The following WNK1 variants were observed in gnomAD, a reference collection of about 807,000 sequenced individuals.
WNK1 encodes the protein serine/threonine-protein kinase WNK1.
In WNK1, 38 loss-of-function variants were observed where a neutral mutation model predicts 222.8. The ratio of observed to expected loss-of-function variants is 0.17; its 90% CI spans 0.13 to 0.22. The LOEUF (loss-of-function observed/expected upper bound fraction) is 0.22, where lower values mean the gene tolerates loss of function less well. WNK1 is among the 10% of genes least tolerant of loss of function. WNK1 has a pLI of 1.00. For synonymous variants in WNK1, 1,090 were observed against 1,092.9 expected, an observed-to-expected ratio of 1.00 and a Z score of 0.05; for missense variants, 2,348 against 2,918.4, an observed-to-expected ratio of 0.80 and a Z score of 4.50.
intron 4 of WNK1, chr12:851,595 A>G: frequency 1.6e-6 from 2 of 1,222,298 alleles, no homozygotes; most frequent in Non-Finnish European, 2.1e-6. Context: ...TTTCAGTCTG[A>G]CTTTGATGTC....
intron 6 of WNK1, 102 bp from the exon 7 acceptor site, chr12:860,908 TCTA>T: frequency 9.1e-7 from 1 of 1,099,838 alleles, no homozygotes. Context: ...CCTCCTCTTC[TCTA>T]CTTTTTTTAC....
At position 900,551 on chromosome 12, in the gene WNK1, A is replaced by G. The variant is rs1955169176; in HGVS notation, c.6524A>G (p.Glu2175Gly). The change falls in exon 26 of 28, where the codon GAG becomes GGG. Residue 2175 changes from glutamate to glycine, a missense_variant. Physicochemically the swap from Glu to Gly is moderately conservative, Grantham distance 98 (BLOSUM62 -2). This residue lies in a region of WNK1 where 1,144 missense variants were observed against 1,273.6 expected (regional missense o/e 0.90). Transcript: ENST00000315939. ...CTCCACCCTCCTGGCAACATCCCAG[A>G]GTCCGGGCAGAATCAGCTGTTACAG... Reference protein sequence around the residue: ...QTLHPPGNIPESGQNQLLQPL... With the variant: ...QTLHPPGNIPGSGQNQLLQPL... 1 of 1,614,208 alleles carries G rather than the reference A, an allele frequency of 6.2e-7. No individual in the cohort carries two copies. Among genetic ancestry groups the G allele is most frequent in the South Asian group, 1.1e-5 (1 of 91,088 alleles).
chr12:864,134 G>C (rs11064577), intron 8 of WNK1, among the ~76,000 whole-genome samples: 33,624 of 114,200 alleles, frequency 0.29, 4,748 homozygotes, highest in East Asian at 0.55. Context: ...TTTTGACAGC[G>C]TCTCACTCTG....
chr12:900,016 C>CTTTTTTTTTTTTTTTTTTTTTTTT (rs11433731), intron 25 of WNK1, among the ~76,000 whole-genome samples: 1 of 119,642 alleles, frequency 8.4e-6, no homozygotes, highest in African/African-American at 3.2e-5. Flanking sequence ...GGATTCTTTT[C>CTTTTTTTTTTTTTTTTTTTTTTTT]TTTTTTTTTT....
intron 1 of WNK1, among the ~76,000 whole-genome samples, chr12:760,280 T>A (rs1940832337): frequency 6.8e-6 from 1 of 147,888 alleles, no homozygotes; most frequent in Non-Finnish European, 1.5e-5. Flanking sequence ...ATATTGAAAT[T>A]GTTTATATAT....
intron 11 of WNK1, 24 bp downstream of exon 11, chr12:880,055 G>C (rs933444789): frequency 4.4e-6 from 7 of 1,607,348 alleles, no homozygotes; most frequent in Non-Finnish European, 6.0e-6. Context: ...TAGCAAAAGA[G>C]GGCACCACAG....
At chr12:808,132 T>C (rs1420668987) in intron 1 of WNK1, among the ~76,000 whole-genome samples, 5 of 151,596 alleles carry the variant, frequency 3.3e-5, no homozygotes, top group Admixed American at 6.6e-5. Context: ...TCACCTATAG[T>C]AGTTTGAGTT....
chr12:788,744 G>A (rs536740068), intron 1 of WNK1, among the ~76,000 whole-genome samples: 7 of 151,978 alleles, frequency 4.6e-5, no homozygotes, highest in Admixed American at 2.6e-4. Flanking sequence ...AAAATTAGCC[G>A]GGCGTGGTGG....
intron 1 of WNK1, among the ~76,000 whole-genome samples, chr12:795,721 C>T (rs370598701): frequency 1.3e-5 from 2 of 152,130 alleles, no homozygotes; most frequent in African/African-American, 4.8e-5. Flanking sequence ...TCCATTTTAT[C>T]TAGATCATCT....
chr12:754,104 C>T lies in WNK1; in HGVS notation c.539C>T (p.Pro180Leu), dbSNP rs1389036068. Residue 180 changes from proline to leucine, a missense_variant, in exon 1 of 28, where the codon CCG becomes CTG. Physicochemically the swap from Pro to Leu is moderately conservative, Grantham distance 98. Transcript: ENST00000315939. ...SLVGSKEEPP[P>L]ARSGSGGGSA... ...GTGGGGAGCAAAGAGGAGCCGCCGC[C>T]GGCGAGAAGTGGCAGCGGCGGCGGC... The T allele has an allele frequency of 5.6e-6, 9 of 1,611,702 alleles. No homozygotes were observed. The highest frequency in any genetic ancestry group is 6.8e-6 in the Non-Finnish European group (8 of 1,179,654).
In WNK1 at chr12:896,169, G is replaced by A. The variant is rs1368141521; in HGVS notation, c.5682G>A (p.Val1894=). ...AATCCAGCACCTCAGAGTCCTCAGT[G>A]CTATCAAGTAGTAGTCCAGAGAGTA... ...HFESSTSESS[V]LSSSSPESTL... The change falls in exon 24 of 28, where the codon GTG becomes GTA. Residue 1894 remains valine (V), a synonymous_variant. Transcript: ENST00000315939. 6.2e-7 allele frequency: 1 copy of A among 1,614,198 alleles called. No individual in the cohort carries two copies. Among genetic ancestry groups the A allele is most frequent in the South Asian group, 1.1e-5 (1 of 91,090 alleles).
chr12:795,628 C>G (rs908443558), intron 1 of WNK1, among the ~76,000 whole-genome samples: 3 of 151,672 alleles, frequency 2.0e-5, no homozygotes, highest in African/African-American at 7.3e-5. Flanking sequence ...TACAGTTAAA[C>G]CCAGTCTTGG....
rs534737442 is a variant in WNK1 at position 907,093 on chromosome 12, G to A, written c.6644-754G>A. On this transcript the variant is annotated intron_variant, in intron 26 of 27. Coordinates refer to ENST00000315939, the MANE Select transcript of WNK1 (RefSeq NM_018979.4). ...CCAGCACTTTGGGAGGCCAAGGCGG[G>A]CGGATCACCTGAGGTCAGGAGTTCT... Among the ~76,000 whole-genome samples the A allele has an allele frequency of 2.7e-3, 403 of 148,456 alleles. 1 individual carries two copies. The highest frequency in any genetic ancestry group is 9.8e-3 in the African/African-American group (390 of 39,820).
At chr12:767,074 G>A (rs1341922730) in intron 1 of WNK1, among the ~76,000 whole-genome samples, 6 of 152,106 alleles carry the variant, frequency 3.9e-5, no homozygotes, top group Non-Finnish European at 5.9e-5. Context: ...ACCGTGCCCG[G>A]CCCTAGATGT....
At chr12:840,059 T>C (rs1462799085) in intron 4 of WNK1, among the ~76,000 whole-genome samples, 2 of 151,924 alleles carry the variant, frequency 1.3e-5, no homozygotes, top group African/African-American at 4.8e-5. Context: ...AGTAGCAAAC[T>C]ATGCTTCTTG....
chr12:796,001 C>T (rs1945281386), intron 1 of WNK1, among the ~76,000 whole-genome samples: 1 of 152,102 alleles, frequency 6.6e-6, no homozygotes, highest in South Asian at 2.1e-4. Context: ...GACCTTCCCA[C>T]CGCAGCCTCT....
chr12:854,069 A>G (rs576348945), intron 4 of WNK1, among the ~76,000 whole-genome samples: 2 of 151,956 alleles, frequency 1.3e-5, no homozygotes, highest in South Asian at 2.1e-4. Context: ...TTAAAATGCT[A>G]TCAAAATAAT....
At position 896,500 on chromosome 12, in the gene WNK1, T is replaced by C. The variant is rs1434153566; in HGVS notation, c.6013T>C (p.Ser2005Pro). ...AGAGAAGCCTGAACTGTCAGAGCCT[T>C]CACATCTAAATGGGCCGTCTTCTGA... The part of the protein sequence containing the change: ...KKEKPELSEP[S>P]HLNGPSSDPE... Residue 2005 changes from serine (S) to proline (P), a missense_variant, in exon 24 of 28, where the codon TCA (serine) becomes CCA (proline). Ser to Pro is a moderately conservative substitution (Grantham distance 74). This residue lies in a region of WNK1 where 1,144 missense variants were observed against 1,273.6 expected (regional missense o/e 0.90). Transcript: ENST00000315939. 6.2e-7 allele frequency: 1 copy of C among 1,613,730 alleles called. No individual in the cohort carries two copies. Among genetic ancestry groups the C allele is most frequent in the African/African-American group, 1.3e-5 (1 of 74,786 alleles).
chr12:902,470 G>A (rs976859363), intron 26 of WNK1, among the ~76,000 whole-genome samples: 1 of 152,024 alleles, frequency 6.6e-6, no homozygotes, highest in African/African-American at 2.4e-5. Flanking sequence ...AAGATGCTAG[G>A]ATCTCTTCAT....
Sources: allele counts gnomAD v4.1 joint callset (sites outside exome capture counted in the v4.1 genomes callset), GRCh38; gene constraint gnomAD v4.1.1; regional missense constraint gnomAD v4.1.1; transcripts MANE v1.5; gene names NCBI Gene and HGNC (gene_info 2026-07-23, HGNC 2026-07-21).